Variants in TXNRD1 observed in about 807,000 individuals in gnomAD.
TXNRD1 encodes thioredoxin reductase 1, cytoplasmic.
Under a neutral mutation model 80.3 loss-of-function variants are expected in TXNRD1, and 57 were observed. That is an observed-to-expected ratio of 0.71 (90% CI 0.57 to 0.89). The LOEUF (loss-of-function observed/expected upper bound fraction) is 0.89, where lower values mean the gene tolerates loss of function less well. Among genes scored for constraint, TXNRD1 ranks in the 40% least tolerant of loss-of-function variants. The pLI, the probability that TXNRD1 is intolerant of heterozygous loss-of-function variation, is 0.00. For synonymous variants in TXNRD1, 291 were observed against 285.2 expected (o/e 1.02, Z -0.20); for missense variants, 730 against 803.0 (o/e 0.91, Z 1.10).
intron 1 of TXNRD1, among the ~76,000 whole-genome samples, chr12:104,239,215 C>T (rs1350305574): frequency 8.3e-5 from 12 of 145,080 alleles, no homozygotes; most frequent in East Asian, 2.0e-4. Context: ...TTTTTTGAGA[C>T]GGAGTTTCGC....
At chr12:104,254,630 G>GAAAAA (rs760022093) in intron 2 of TXNRD1, among the ~76,000 whole-genome samples, 8 of 17,296 alleles carry the variant, frequency 4.6e-4, no homozygotes, top group South Asian at 2.9e-3. Context: ...TATGTCTATG[G>GAAAAA]AAAAAAAAAA....
intron 3 of TXNRD1, 168 bp from the exon 4 acceptor site, chr12:104,288,763 T>C (rs2034063317): frequency 6.6e-7 from 1 of 1,512,776 alleles, no homozygotes; most frequent in Non-Finnish European, 8.9e-7. Context: ...GATTGTGAGT[T>C]CTAGCCTTTG....
Position 104,321,132 on chromosome 12 carries a change from T to G in TXNRD1, c.1031T>G (p.Leu344Arg). The G allele has an allele frequency of 6.2e-7, 1 of 1,613,486 alleles. No homozygotes were observed. The highest frequency in any genetic ancestry group is 8.5e-7 in the Non-Finnish European group (1 of 1,179,796). Residue 344 changes from leucine (L) to arginine (R), a missense_variant, in exon 10 of 17, where the codon CTG becomes CGG. Transcript: ENST00000525566. The stretch of plus-strand genomic sequence containing the variant: ...TTGCCTTACTGCCCGGGTAAGACCC[T>G]GGTTGTTGGAGCATCCTATGTCGCT... ...FSLPYCPGKT[L>R]VVGASYVALE... is the part of the protein sequence containing the mutation.
chr12:104,320,620 G>A (rs1431536651), intron 9 of TXNRD1, among the ~76,000 whole-genome samples: 3 of 151,710 alleles, frequency 2.0e-5, no homozygotes, highest in Admixed American at 1.3e-4. Flanking sequence ...CCTTATAGTT[G>A]GCTTTTATAT....
chr12:104,311,418 G>C lies in TXNRD1; in HGVS notation c.537+6G>C, dbSNP rs1201495300. ...GAGGTCTGGCAGCTGCTAAGGCAAGGCTCCTTGTGTTGTCTGTTGTCTGTT... is the reference window on the plus strand; with the variant it reads ...GAGGTCTGGCAGCTGCTAAGGCAAGCCTCCTTGTGTTGTCTGTTGTCTGTT... On this transcript the variant is annotated splice_donor_region_variant and intron_variant, in intron 5 of 16. Coordinates refer to ENST00000525566, the MANE Select transcript of TXNRD1 (RefSeq NM_001093771.3). 6.2e-7 allele frequency: 1 copy of C among 1,612,890 alleles called. No individual in the cohort carries two copies. The highest frequency in any genetic ancestry group is 1.1e-5 in the South Asian group (1 of 91,006).
Position 104,327,596 on chromosome 12 carries a change from G to C in TXNRD1, c.1467G>C (p.Lys489Asn), listed in dbSNP as rs377363341. Residue 489 changes from lysine (K) to asparagine (N), a missense_variant, in exon 13 of 17, where the codon AAG becomes AAC. By Grantham distance (94) the Lys-to-Asn change is moderately conservative. Coordinates refer to ENST00000525566, the MANE Select transcript of TXNRD1 (RefSeq NM_001093771.3). ...CCATTGGCGATATATTGGAGGATAA[G>C]GTGGAGCTCACCCCAGTTGCAATCC... ...IYAIGDILED[K>N]VELTPVAIQA... 5 of 1,613,476 alleles carry C rather than the reference G, an allele frequency of 3.1e-6. No individual in the cohort carries two copies. Among genetic ancestry groups the C allele is most frequent in the Non-Finnish European group, 4.2e-6 (5 of 1,179,810 alleles).
intron 3 of TXNRD1, among the ~76,000 whole-genome samples, chr12:104,264,684 C>G (rs567590875): frequency 2.0e-5 from 3 of 152,194 alleles, no homozygotes; most frequent in Admixed American, 6.5e-5. Context: ...TTCTCAATGA[C>G]TACAAAATAG....
At chr12:104,345,884 C>A in intron 16 of TXNRD1, 4 of 1,072,274 alleles carry the variant, frequency 3.7e-6, no homozygotes, top group Non-Finnish European at 5.0e-6. Context: ...AGCTCCTGAC[C>A]CTTGTACGAG....
chr12:104,329,590 A>C (rs1255982315), intron 13 of TXNRD1, among the ~76,000 whole-genome samples: 2 of 152,170 alleles, frequency 1.3e-5, no homozygotes, highest in African/African-American at 4.8e-5. Context: ...TGAAGGCTGC[A>C]GTGAGCTGTG....
chr12:104,229,332 G>A (rs1208003387), intron 1 of TXNRD1, among the ~76,000 whole-genome samples: 5 of 151,482 alleles, frequency 3.3e-5, no homozygotes, highest in Non-Finnish European at 7.4e-5. Context: ...ACGTTTTGTA[G>A]AGTCAGGGTT....
chr12:104,322,788 C>G (rs140765361), intron 10 of TXNRD1, among the ~76,000 whole-genome samples: 8 of 151,706 alleles, frequency 5.3e-5, no homozygotes, highest in Non-Finnish European at 1.0e-4. Context: ...TAACATCTTC[C>G]TATATACAAT....
intron 4 of TXNRD1, among the ~76,000 whole-genome samples, chr12:104,299,300 A>G (rs968397669): frequency 6.6e-6 from 1 of 152,106 alleles, no homozygotes; most frequent in South Asian, 2.1e-4. Context: ...CTAATAGGTA[A>G]TAGGTCAAGA....
chr12:104,277,161 G>A (rs1290215567), intron 3 of TXNRD1, among the ~76,000 whole-genome samples: 3 of 151,902 alleles, frequency 2.0e-5, no homozygotes, highest in African/African-American at 7.2e-5. Flanking sequence ...GGAGGCCGAG[G>A]CGGGTGGATC....
chr12:104,326,589 C>T (rs918841094), intron 12 of TXNRD1, among the ~76,000 whole-genome samples, 166 bp downstream of exon 12: 3 of 151,148 alleles, frequency 2.0e-5, no homozygotes, highest in African/African-American at 7.3e-5. Flanking sequence ...CCTCAGCCTC[C>T]CATGTAGCTG....
chr12:104,313,247 G>T lies in TXNRD1; in HGVS notation c.540G>T (p.Glu180Asp). 6.3e-7 allele frequency: 1 copy of T among 1,581,528 alleles called. No homozygotes were observed. The highest frequency in any genetic ancestry group is 8.6e-7 in the Non-Finnish European group (1 of 1,161,968). ...GGSGGLAAAK[E>D]AAQYGKKVMV... The stretch of plus-strand genomic sequence containing the variant: ...ACTTTAATAATTTTATTTTCCAGGA[G>T]GCAGCCCAATATGGCAAGAAGGTGA... The change falls in exon 6 of 17, where the codon GAG becomes GAT. Residue 180 changes from glutamate (E) to aspartate (D), a missense_variant and splice_region_variant. Physicochemically the swap from Glu to Asp is conservative, Grantham distance 45. Coordinates refer to ENST00000525566, the MANE Select transcript of TXNRD1 (RefSeq NM_001093771.3).
At chr12:104,235,218 C>A (rs1268724716) in intron 1 of TXNRD1, among the ~76,000 whole-genome samples, 9 of 152,170 alleles carry the variant, frequency 5.9e-5, no homozygotes, top group Admixed American at 5.9e-4. Context: ...TGTGTCCGAT[C>A]CCCATTGGTT....
chr12:104,302,486 C>CTTTTTTTTTTTTTTTT lies in TXNRD1; in HGVS notation c.415-8798_415-8783dup, dbSNP rs772202256. On this transcript the variant is annotated intron_variant, in intron 4 of 16. Coordinates refer to ENST00000525566, the MANE Select transcript of TXNRD1 (RefSeq NM_001093771.3). ...TTTAAAAACCAGATGTATTCATTCCCTTTTTTTTTTTTTTTTTTTTTGAGA... is the reference window on the plus strand; with the variant it reads ...TTTAAAAACCAGATGTATTCATTCCCTTTTTTTTTTTTTTTTTTTTTTTTTTTTTTTTTTTTTGAGA... Among the ~76,000 whole-genome samples, 195 of 76,234 alleles carry CTTTTTTTTTTTTTTTT rather than the reference C, an allele frequency of 2.6e-3. 37 individuals are homozygous for CTTTTTTTTTTTTTTTT. Among genetic ancestry groups the CTTTTTTTTTTTTTTTT allele is most frequent in the Non-Finnish European group, 3.3e-3 (146 of 44,152 alleles). The allele number at this position is 76,234 out of a possible 152,430, so 50.0% of individuals were successfully genotyped here.
intron 1 of TXNRD1, among the ~76,000 whole-genome samples, chr12:104,232,697 C>T (rs1167104395): frequency 6.6e-6 from 1 of 152,156 alleles, no homozygotes; most frequent in Non-Finnish European, 1.5e-5. Context: ...TAAAGAGAAA[C>T]ACACCCTTTT....
At position 104,321,264 on chromosome 12, in the gene TXNRD1, A is replaced by G. The variant is rs747320918; in HGVS notation, c.1163A>G (p.Glu388Gly). 1.2e-6 allele frequency: 2 copies of G among 1,614,004 alleles called. No homozygotes were observed. The highest frequency in any genetic ancestry group is 1.7e-6 in the Non-Finnish European group (2 of 1,179,876). Residue 388 changes from glutamate (E) to glycine (G), a missense_variant, in exon 10 of 17, where the codon GAA becomes GGA. Transcript: ENST00000525566. ...FDQDMANKIG[E>G]HMEEHGIKFI... is the part of the protein sequence containing the mutation. ...CAGGACATGGCCAACAAAATTGGTG[A>G]ACACATGGAAGAACATGGCATCAAG...
Sources: allele counts gnomAD v4.1 joint callset (sites outside exome capture counted in the v4.1 genomes callset), GRCh38; gene constraint gnomAD v4.1.1; transcripts MANE v1.5; gene names NCBI Gene and HGNC (gene_info 2026-07-23, HGNC 2026-07-21).